The following SLC35F1 variants were observed in gnomAD, a reference collection of about 807,000 sequenced individuals.
SLC35F1 encodes the protein solute carrier family 35 member F1.
In SLC35F1, 14 loss-of-function variants were observed where a neutral mutation model predicts 48.7. The ratio of observed to expected loss-of-function variants is 0.29; its 90% CI spans 0.19 to 0.45. The LOEUF (loss-of-function observed/expected upper bound fraction) is 0.45. SLC35F1 is among the 20% of genes least tolerant of loss of function. SLC35F1 has a pLI of 1.00. For synonymous variants in SLC35F1, 190 were observed against 202.2 expected, an observed-to-expected ratio of 0.94 and a Z score of 0.51; for missense variants, 404 against 500.0, an observed-to-expected ratio of 0.81 and a Z score of 1.83.
At chr6:118,143,673 A>T (rs1773925874) in intron 1 of SLC35F1, among the ~76,000 whole-genome samples, 1 of 152,228 alleles carries the variant, frequency 6.6e-6, no homozygotes, top group African/African-American at 2.4e-5. Context: ...AATTTTATAG[A>T]CAAATTTAAG....
chr6:118,038,788 A>T (rs2114899673), intron 1 of SLC35F1, among the ~76,000 whole-genome samples: 1 of 151,992 alleles, frequency 6.6e-6, no homozygotes. Flanking sequence ...TTCATGGTTA[A>T]TTTTTAATTT....
chr6:118,122,513 A>G (rs1582677634), intron 1 of SLC35F1, among the ~76,000 whole-genome samples: 1 of 152,234 alleles, frequency 6.6e-6, no homozygotes, highest in African/African-American at 2.4e-5. Context: ...AACCCCAGCA[A>G]TGGGAATCTG....
intron 1 of SLC35F1, among the ~76,000 whole-genome samples, chr6:118,104,501 T>A (rs539041129): frequency 1.8e-3 from 269 of 152,322 alleles, no homozygotes; most frequent in African/African-American, 6.3e-3. Flanking sequence ...CTATTTTCTT[T>A]ATATACTTAG....
At chr6:117,936,994 C>A (rs185191479) in intron 1 of SLC35F1, among the ~76,000 whole-genome samples, 224 of 152,290 alleles carry the variant, frequency 1.5e-3, no homozygotes, top group Admixed American at 1.8e-3. Flanking sequence ...CTTCTGCACT[C>A]TAACATGTTT....
At position 117,977,724 on chromosome 6, in the gene SLC35F1, A is replaced by G. The variant is rs565364675; in HGVS notation, c.173+69825A>G. ...TTTACTTGTCTATGGTTTTAAAAAT[A>G]TATGCATTTGAGCAATTTTAAGTTT... is the stretch of plus-strand genomic sequence containing the variant. On this transcript the variant is annotated intron_variant, in intron 1 of 7. Coordinates refer to ENST00000360388, the MANE Select transcript of SLC35F1 (RefSeq NM_001029858.4). 5.9e-5 allele frequency among the ~76,000 whole-genome samples: 9 copies of G among 152,276 alleles called. No individual in the cohort carries two copies. In the South Asian group the frequency reaches 1.9e-3, roughly 32 times the overall value.
rs74806941 is a variant in SLC35F1 at position 118,204,836 on chromosome 6, A to C, written c.350-30673A>C. 3.1e-3 allele frequency among the ~76,000 whole-genome samples: 479 copies of C among 152,310 alleles called. 2 individuals carry two copies. Among genetic ancestry groups the C allele is most frequent in the African/African-American group, 0.011 (466 of 41,566 alleles). On this transcript the variant is annotated intron_variant, in intron 2 of 7. Coordinates refer to ENST00000360388, the MANE Select transcript of SLC35F1 (RefSeq NM_001029858.4). ...TACTTTCAAAATACAGAGTTCGAAG[A>C]ATCTTTTCATTACATCATCCACTGA...
chr6:118,084,555 T>C (rs1167244041), intron 1 of SLC35F1, among the ~76,000 whole-genome samples: 1 of 152,120 alleles, frequency 6.6e-6, no homozygotes, highest in East Asian at 1.9e-4. Context: ...GTGGGGGAGA[T>C]GAGGCAGGAA....
chr6:118,039,805 T>TTTTTTTTTTTTTTTTTTTTTTTTTTCA lies in SLC35F1; in HGVS notation c.174-114638_174-114637insTTTTTTTTTTTTTTTTTTTTTTTCATT. Among the ~76,000 whole-genome samples the TTTTTTTTTTTTTTTTTTTTTTTTTTCA allele has an allele frequency of 1.4e-5, 2 of 146,096 alleles. 1 individual carries two copies. Among genetic ancestry groups the TTTTTTTTTTTTTTTTTTTTTTTTTTCA allele is most frequent in the Non-Finnish European group, 3.0e-5 (2 of 65,770 alleles). On this transcript the variant is annotated intron_variant, in intron 1 of 7. Coordinates refer to ENST00000360388, the MANE Select transcript of SLC35F1 (RefSeq NM_001029858.4). ...ATCTAAGCATCTCAGGATTGTTTTT[T>TTTTTTTTTTTTTTTTTTTTTTTTTTCA]TTGTTTTTTTTTTTTGCTTCAGACT... is the stretch of plus-strand genomic sequence containing the variant.
At chr6:118,136,679 A>G (rs1487458168) in intron 1 of SLC35F1, among the ~76,000 whole-genome samples, 1 of 152,210 alleles carries the variant, frequency 6.6e-6, no homozygotes, top group Non-Finnish European at 1.5e-5. Flanking sequence ...TCCCATAAGT[A>G]TCAATGACAG....
intron 5 of SLC35F1, among the ~76,000 whole-genome samples, 189 bp from the exon 6 acceptor site, chr6:118,277,305 G>A (rs760074187): frequency 6.6e-6 from 1 of 152,154 alleles, no homozygotes; most frequent in Non-Finnish European, 1.5e-5. Context: ...CACACCGACC[G>A]GGTTCTTCAG....
chr6:118,107,475 A>G (rs1236077399), intron 1 of SLC35F1, among the ~76,000 whole-genome samples: 1 of 152,190 alleles, frequency 6.6e-6, no homozygotes, highest in Non-Finnish European at 1.5e-5. Flanking sequence ...TAGAATACTG[A>G]CAGATCTTAT....
chr6:118,122,368 C>G (rs1026554930), intron 1 of SLC35F1, among the ~76,000 whole-genome samples: 5 of 152,078 alleles, frequency 3.3e-5, no homozygotes, highest in African/African-American at 1.2e-4. Context: ...GGCTGAGTGC[C>G]CTGTGCTTGC....
chr6:118,145,497 A>T (rs1179816455), intron 1 of SLC35F1, among the ~76,000 whole-genome samples: 1 of 152,216 alleles, frequency 6.6e-6, no homozygotes, highest in African/African-American at 2.4e-5. Context: ...AAAAAGGTCA[A>T]TTAAAACTTC....
chr6:118,225,535 G>A (rs771413901), intron 2 of SLC35F1, among the ~76,000 whole-genome samples: 5 of 152,046 alleles, frequency 3.3e-5, no homozygotes, highest in Non-Finnish European at 5.9e-5. Flanking sequence ...AACTATGAAA[G>A]CACTAGAAGA....
chr6:118,129,533 C>T (rs942731285), intron 1 of SLC35F1, among the ~76,000 whole-genome samples: 5 of 152,064 alleles, frequency 3.3e-5, no homozygotes, highest in East Asian at 1.9e-4. Flanking sequence ...AGTGAGGAGA[C>T]GAGGTGCAGT....
chr6:118,201,315 G>C (rs1185112258), intron 2 of SLC35F1, among the ~76,000 whole-genome samples: 5 of 152,156 alleles, frequency 3.3e-5, no homozygotes, highest in Non-Finnish European at 7.3e-5. Flanking sequence ...ATCTAGTTGT[G>C]TGTCCAAGAA....
chr6:117,947,946 G>A (rs983031425), intron 1 of SLC35F1, among the ~76,000 whole-genome samples: 3 of 152,158 alleles, frequency 2.0e-5, no homozygotes, highest in Non-Finnish European at 4.4e-5. Context: ...CAAGGACTGA[G>A]TGCTTGGTCA....
Position 118,168,549 on chromosome 6 carries a change from G to A in SLC35F1, c.349+13929G>A, listed in dbSNP as rs530703718. On this transcript the variant is annotated intron_variant, in intron 2 of 7. Transcript: ENST00000360388. Reference sequence around the variant, plus strand: ...TACTGTACTCACTTATTTTCAGACGGTGGTTAACGATGGATAACTGAAACC... The same window carrying A: ...TACTGTACTCACTTATTTTCAGACGATGGTTAACGATGGATAACTGAAACC... Among the ~76,000 whole-genome samples the A allele has an allele frequency of 3.0e-4, 45 of 152,214 alleles. 1 individual carries two copies. In the South Asian group the frequency reaches 9.4e-3, roughly 32 times the overall value.
chr6:117,959,725 C>T (rs1423857844), intron 1 of SLC35F1, among the ~76,000 whole-genome samples: 5 of 152,130 alleles, frequency 3.3e-5, no homozygotes, highest in Non-Finnish European at 7.4e-5. Context: ...GAAGAACAGT[C>T]TGCTGAACCA....
Sources: allele counts gnomAD v4.1 joint callset (sites outside exome capture counted in the v4.1 genomes callset), GRCh38; gene constraint gnomAD v4.1.1; transcripts MANE v1.5; gene names NCBI Gene and HGNC (gene_info 2026-07-23, HGNC 2026-07-21).